SDK1: variants seen among roughly 807,000 people sequenced by gnomAD.
SDK1 encodes protein sidekick-1.
In SDK1, 157 loss-of-function variants were observed where a neutral mutation model predicts 245.5. The ratio of observed to expected loss-of-function variants is 0.64; its 90% CI spans 0.56 to 0.73. The LOEUF is 0.73. Ranked by LOEUF, SDK1 falls within the 30% of genes least tolerant of loss-of-function variation. The pLI, the probability that SDK1 is intolerant of heterozygous loss-of-function variation, is 0.00. For missense variants in SDK1, 3,583 were observed against 3,002.3 expected (o/e 1.19, Z -4.52); for synonymous variants, 1,647 against 1,278.5 (o/e 1.29, Z -6.15).
Position 3,870,898 on chromosome 7 carries a change from T to A in SDK1, c.847+49315T>A, listed in dbSNP as rs112340753. Among the ~76,000 whole-genome samples, 1,101 of 152,324 alleles carry A rather than the reference T, an allele frequency of 7.2e-3. 16 individuals carry two copies. The highest frequency in any genetic ancestry group is 0.025 in the African/African-American group (1,022 of 41,556). The stretch of plus-strand genomic sequence containing the variant: ...ATAACAGTTTCTCATCCCTTCCTTG[T>A]TTTTTATGACCTTGATACTTTGGAA... On this transcript the variant is annotated intron_variant, in intron 5 of 44. Coordinates refer to ENST00000404826, the MANE Select transcript of SDK1 (RefSeq NM_152744.4).
At position 4,043,570 on chromosome 7, in the gene SDK1, G is replaced by C. The variant is rs536265264; in HGVS notation, c.2603-5778G>C. ...ATGCCTTGTTAAATGGGTGAACTCAGGAATTTGTTTCTCTGTAAACATGGT... is the reference window on the plus strand; with the variant it reads ...ATGCCTTGTTAAATGGGTGAACTCACGAATTTGTTTCTCTGTAAACATGGT... On this transcript the variant is annotated intron_variant, in intron 17 of 44. Transcript: ENST00000404826. Among the ~76,000 whole-genome samples, 3 of 152,326 alleles carry C rather than the reference G, an allele frequency of 2.0e-5. No homozygotes were observed. In the South Asian group the frequency reaches 6.2e-4, roughly 32 times the overall value.
chr7:3,329,195 A>G (rs1441248135), intron 1 of SDK1, among the ~76,000 whole-genome samples: 2 of 152,166 alleles, frequency 1.3e-5, no homozygotes, highest in East Asian at 1.9e-4. Context: ...TACATTTTGC[A>G]GATAATGGTT....
intron 1 of SDK1, among the ~76,000 whole-genome samples, chr7:3,531,239 G>A (rs1783334395): frequency 6.6e-6 from 1 of 152,080 alleles, no homozygotes; most frequent in Admixed American, 6.5e-5. Context: ...ATCACATCGA[G>A]CATATTTGGG....
At chr7:3,659,777 C>G (rs184501648) in intron 4 of SDK1, among the ~76,000 whole-genome samples, 8 of 152,274 alleles carry the variant, frequency 5.3e-5, no homozygotes, top group African/African-American at 1.7e-4. Context: ...TGCAAATGCC[C>G]CGGCAAGGGG....
At chr7:3,616,069 G>C (rs1447595380) in intron 1 of SDK1, among the ~76,000 whole-genome samples, 2 of 151,994 alleles carry the variant, frequency 1.3e-5, no homozygotes, top group African/African-American at 4.8e-5. Context: ...AAAACTTTTT[G>C]TGGAGATGGG....
intron 1 of SDK1, among the ~76,000 whole-genome samples, chr7:3,516,977 G>T (rs1014918696): frequency 1.3e-5 from 2 of 152,142 alleles, no homozygotes; most frequent in Admixed American, 1.3e-4. Flanking sequence ...TCTTTTTGGT[G>T]AGGTGATGAG....
intron 36 of SDK1, among the ~76,000 whole-genome samples, chr7:4,207,266 C>A (rs1784276368): frequency 6.6e-6 from 1 of 152,214 alleles, no homozygotes. Context: ...GGGCAAGCCG[C>A]TCTAACAGCC....
intron 4 of SDK1, among the ~76,000 whole-genome samples, chr7:3,787,517 A>G (rs1387058692): frequency 6.6e-6 from 1 of 152,074 alleles, no homozygotes; most frequent in Non-Finnish European, 1.5e-5. Flanking sequence ...GAGCAATTCT[A>G]GAAAAACTAA....
rs977190941 is a variant in SDK1, at chr7:3,437,847, C to G, written c.298+135963C>G. Among the ~76,000 whole-genome samples, 5 of 152,094 alleles carry G rather than the reference C, an allele frequency of 3.3e-5. No individual in the cohort carries two copies. In the South Asian group the frequency reaches 1.0e-3, roughly 32 times the overall value. ...GGAAGCTTTGGCTGAATAGAAGTTC[C>G]ATCTTTTGTAGTACTGAAACCAAGT... On this transcript the variant is annotated intron_variant, in intron 1 of 44. Transcript: ENST00000404826.
At chr7:4,003,625 C>T (rs1212758521) in intron 14 of SDK1, among the ~76,000 whole-genome samples, 1 of 152,158 alleles carries the variant, frequency 6.6e-6, no homozygotes, top group Non-Finnish European at 1.5e-5. Context: ...GCGCCATTCT[C>T]ATCACATCAC....
chr7:4,089,271 C>T (rs1781633574), intron 22 of SDK1, among the ~76,000 whole-genome samples: 1 of 152,200 alleles, frequency 6.6e-6, no homozygotes, highest in African/African-American at 2.4e-5. Flanking sequence ...TCAGTGCCTC[C>T]CAATCCTGCC....
chr7:3,974,701 C>T (rs1477603597), intron 13 of SDK1, 156 bp downstream of exon 13: 2 of 608,460 alleles, frequency 3.3e-6, no homozygotes, highest in Admixed American at 3.3e-5. Context: ...CATATATGGA[C>T]AAGGTTTTTT....
At chr7:3,563,868 A>C (rs182277923) in intron 1 of SDK1, among the ~76,000 whole-genome samples, 1 of 152,310 alleles carries the variant, frequency 6.6e-6, no homozygotes, top group East Asian at 1.9e-4. Context: ...TAATGCAATA[A>C]AATAAGAAAT....
Position 3,980,877 on chromosome 7 carries a change from G to A in SDK1, c.1995-6309G>A, listed in dbSNP as rs534657136. ...AATTGCTCGAACTCAGGAGGCGGAG[G>A]TTGCAGTGAGCCGAATTGCACCACT... On this transcript the variant is annotated intron_variant, in intron 13 of 44. Transcript: ENST00000404826. Among the ~76,000 whole-genome samples, 102 of 152,030 alleles carry A rather than the reference G, an allele frequency of 6.7e-4. No individual in the cohort carries two copies. In the Middle Eastern group the frequency reaches 0.014, roughly 20 times the overall value.
At chr7:3,581,344 T>C (rs1302878480) in intron 1 of SDK1, among the ~76,000 whole-genome samples, 1 of 152,136 alleles carries the variant, frequency 6.6e-6, no homozygotes, top group Non-Finnish European at 1.5e-5. Flanking sequence ...GCAAAGGACA[T>C]GAACAGAAAC....
intron 4 of SDK1, among the ~76,000 whole-genome samples, chr7:3,717,593 C>G (rs1048869712): frequency 7.2e-5 from 11 of 152,116 alleles, no homozygotes; most frequent in African/African-American, 2.4e-4. Context: ...TGACCTATCA[C>G]TATGGTTACT....
At chr7:3,922,493 A>G (rs561295660) in intron 5 of SDK1, among the ~76,000 whole-genome samples, 6 of 152,324 alleles carry the variant, frequency 3.9e-5, no homozygotes, top group African/African-American at 1.4e-4. Flanking sequence ...AAACTCTCTG[A>G]CTCCTTGAGA....
intron 35 of SDK1, among the ~76,000 whole-genome samples, chr7:4,204,003 G>A (rs1396943465): frequency 6.6e-6 from 1 of 152,180 alleles, no homozygotes; most frequent in Non-Finnish European, 1.5e-5. Context: ...TTCACCTGGC[G>A]CTCACAGACC....
At chr7:4,211,720 C>T (rs1784522966) in intron 38 of SDK1, among the ~76,000 whole-genome samples, 2 of 152,354 alleles carry the variant, frequency 1.3e-5, no homozygotes, top group Non-Finnish European at 1.5e-5. Flanking sequence ...CACCATTCTC[C>T]TGCCTCAGCC....
Sources: allele counts gnomAD v4.1 joint callset (sites outside exome capture counted in the v4.1 genomes callset), GRCh38; gene constraint gnomAD v4.1.1; transcripts MANE v1.5; gene names NCBI Gene and HGNC (gene_info 2026-07-23, HGNC 2026-07-21).